CABIN1: variants seen among roughly 807,000 people sequenced by gnomAD.
CABIN1 encodes the protein calcineurin-binding protein cabin-1.
In CABIN1, 133 loss-of-function variants were observed where a neutral mutation model predicts 227.7. The observed-to-expected ratio is 0.58, with a 90% CI of 0.51 to 0.67. CABIN1 has a LOEUF of 0.67. CABIN1 is among the 30% of genes least tolerant of loss of function. CABIN1 has a pLI of 0.00. For missense variants in CABIN1, 2,408 were observed against 2,852.5 expected (o/e 0.84, Z 3.55); for synonymous variants, 1,086 against 1,155.1 (o/e 0.94, Z 1.21).
chr22:24,059,481 G>A, intron 11 of CABIN1, 118 bp downstream of exon 11: 2 of 1,228,868 alleles, frequency 1.6e-6, no homozygotes, highest in South Asian at 2.6e-5. Context: ...GTGGCCAAGA[G>A]TCTGCCTGGA....
chr22:24,032,124 A>G (rs1457045833), intron 1 of CABIN1, among the ~76,000 whole-genome samples: 2 of 152,194 alleles, frequency 1.3e-5, no homozygotes, highest in African/African-American at 4.8e-5. Flanking sequence ...TTGAAATGCT[A>G]TACCCATTAA....
rs760691720 is a variant in CABIN1, at chr22:24,038,445, C to A, written c.194C>A (p.Ala65Glu). ...SAKAYHELLE[A>E]SLLREAVSSG... ...AAAGCCTACCATGAGCTCTTGGAGGCGAGCCTGCTGCGGGAGGTGAGGCAT... is the reference window on the plus strand; with the variant it reads ...AAAGCCTACCATGAGCTCTTGGAGGAGAGCCTGCTGCGGGAGGTGAGGCAT... Residue 65 changes from alanine (A) to glutamate (E), a missense_variant, in exon 4 of 37, where the codon GCG (alanine) becomes GAG (glutamate). Physicochemically the swap from Ala to Glu is moderately radical, Grantham distance 107 (BLOSUM62 -1). Coordinates refer to ENST00000263119, the MANE Select transcript of CABIN1 (RefSeq NM_012295.4). 4 of 1,613,186 alleles carry A rather than the reference C, an allele frequency of 2.5e-6. No individual in the cohort carries two copies. The highest frequency in any genetic ancestry group is 1.3e-5 in the African/African-American group (1 of 74,906).
intron 16 of CABIN1, among the ~76,000 whole-genome samples, chr22:24,068,276 G>A (rs1163702721): frequency 2.0e-5 from 3 of 152,180 alleles, no homozygotes; most frequent in Non-Finnish European, 4.4e-5. Flanking sequence ...CAAGATCAGC[G>A]GATGAGATGT....
At position 24,177,360 on chromosome 22, in the gene CABIN1, G is replaced by A. The variant is rs893692812; in HGVS notation, c.6206-144G>A. 1.4e-5 allele frequency: 10 copies of A among 727,508 alleles called. No homozygotes were observed. Among genetic ancestry groups the A allele is most frequent in the Non-Finnish European group, 2.2e-5 (10 of 452,802 alleles). The allele number at this position is 727,508 out of a possible 1,614,324, so 45.1% of individuals were successfully genotyped here. A position where few individuals can be genotyped will look rare whatever the true frequency, so the allele number is the denominator to read the frequency against. On this transcript the variant is annotated intron_variant, in intron 35 of 36. Coordinates refer to ENST00000263119, the MANE Select transcript of CABIN1 (RefSeq NM_012295.4). This position sits in a 1 kb window ranked among gnomAD's most constrained non-coding sequence, Gnocchi z 4.4. Reference sequence around the variant, plus strand: ...CAGGCCTGAGCCAAGTATTTGCCCAGGGTAGAAGCCTTGGAGCCTGCCAGC... The same window carrying A: ...CAGGCCTGAGCCAAGTATTTGCCCAAGGTAGAAGCCTTGGAGCCTGCCAGC...
intron 8 of CABIN1, 120 bp downstream of exon 8, chr22:24,051,094 G>A (rs1326406384): frequency 7.6e-7 from 1 of 1,312,350 alleles, no homozygotes; most frequent in Non-Finnish European, 1.1e-6. Context: ...TATGAATGGG[G>A]GCTGGGTGCA....
chr22:24,090,502 A>G (rs1044237613), intron 23 of CABIN1, among the ~76,000 whole-genome samples: 7 of 143,282 alleles, frequency 4.9e-5, no homozygotes, highest in Admixed American at 7.0e-5. Flanking sequence ...ATGATCTCCC[A>G]CTTCCTGTGT....
intron 22 of CABIN1, among the ~76,000 whole-genome samples, chr22:24,087,148 A>G (rs946236754): frequency 6.6e-6 from 1 of 152,220 alleles, no homozygotes; most frequent in African/African-American, 2.4e-5. Context: ...CTCATCCATT[A>G]GAGTACTTAC....
chr22:24,052,663 C>T (rs537374837), intron 8 of CABIN1, among the ~76,000 whole-genome samples: 1 of 151,836 alleles, frequency 6.6e-6, no homozygotes, highest in African/African-American at 2.4e-5. Flanking sequence ...TGGTGGCACA[C>T]ACCTGTAGTT....
rs1265729477 is a variant in CABIN1 at position 24,059,231 on chromosome 22, A to G, written c.1267A>G (p.Arg423Gly). 6.2e-7 allele frequency: 1 copy of G among 1,614,124 alleles called. No individual in the cohort carries two copies. Among genetic ancestry groups the G allele is most frequent in the East Asian group, 2.2e-5 (1 of 44,898 alleles). Reference protein sequence around the residue: ...LLMKFLPSRLRKLDPEEEDDS... With the variant: ...LLMKFLPSRLGKLDPEEEDDS... ...ATTTTGGCATGTTACATGCAGGTTA[A>G]GAAAGCTGGACCCTGAGGAGGAAGA... Residue 423 changes from arginine (R) to glycine (G), a missense_variant, in exon 11 of 37, where the codon AGA becomes GGA. Arg to Gly is a moderately radical substitution (Grantham distance 125). Transcript: ENST00000263119.
chr22:24,065,676 A>G (rs1217872854), intron 15 of CABIN1, among the ~76,000 whole-genome samples: 2 of 152,218 alleles, frequency 1.3e-5, no homozygotes, highest in Non-Finnish European at 2.9e-5. Flanking sequence ...AGGTTGTAGC[A>G]AGCCGAGATC....
chr22:24,089,183 T>C (rs1334968557), intron 23 of CABIN1, among the ~76,000 whole-genome samples: 1 of 152,194 alleles, frequency 6.6e-6, no homozygotes, highest in East Asian at 1.9e-4. Context: ...GTGGGAGTTT[T>C]CCAGGAAATA....
rs375469768 is a variant in CABIN1 at position 24,074,895 on chromosome 22, T to C, written c.2633-1274T>C. On this transcript the variant is annotated intron_variant, in intron 18 of 36. Transcript: ENST00000263119. ...TGACAAATTGGAACAATTGGTTGCA[T>C]TTAAGAGCCAAAAGTAACAGGGCAT... Among the ~76,000 whole-genome samples, 25 of 152,264 alleles carry C rather than the reference T, an allele frequency of 1.6e-4. No individual in the cohort carries two copies. The South Asian group carries it at 5.2e-3, about 32-fold the overall frequency.
rs575083287 is a variant in CABIN1, at chr22:24,076,082, C to T, written c.2633-87C>T. ...TCATGTTGATAAAGACAGAAAAGCC[C>T]GAAAAGAGGAGACTGAGCCTCGCAG... On this transcript the variant is annotated intron_variant, in intron 18 of 36. Coordinates refer to ENST00000263119, the MANE Select transcript of CABIN1 (RefSeq NM_012295.4). 49 of 891,714 alleles carry T rather than the reference C, an allele frequency of 5.5e-5. No homozygotes were observed. In the East Asian group the frequency reaches 6.6e-4, roughly 12 times the overall value. The allele number at this position is 891,714 out of a possible 1,614,324, so 55.2% of individuals were successfully genotyped here. A position where few individuals can be genotyped will look rare whatever the true frequency, so the allele number is the denominator to read the frequency against.
intron 29 of CABIN1, among the ~76,000 whole-genome samples, chr22:24,149,750 G>T (rs1452179771): frequency 6.6e-6 from 1 of 152,216 alleles, no homozygotes; most frequent in East Asian, 1.9e-4. Context: ...GGGATATTGA[G>T]TCATTTGTTT....
In CABIN1 at chr22:24,060,080, G is replaced by A; in HGVS notation, c.1556G>A (p.Arg519Lys). 5 of 1,614,102 alleles carry A rather than the reference G, an allele frequency of 3.1e-6. No individual in the cohort carries two copies. The highest frequency in any genetic ancestry group is 4.2e-6 in the Non-Finnish European group (5 of 1,180,018). The change falls in exon 12 of 37, where the codon AGG (arginine) becomes AAG (lysine). Residue 519 changes from arginine (R) to lysine (K), a missense_variant. Around this residue, in one of 3 missense-constraint regions of CABIN1, gnomAD observed 1,045 missense variants for 1,168.4 expected, o/e 0.89. Coordinates refer to ENST00000263119, the MANE Select transcript of CABIN1 (RefSeq NM_012295.4). ...GTGCTCAGCGTCTACCACAGCTGGA[G>A]GAGGCACAGCACCAGCCTGCCCAAC... ...EVVLSVYHSW[R>K]RHSTSLPNPL...
intron 23 of CABIN1, among the ~76,000 whole-genome samples, chr22:24,088,748 T>TA (rs1005706385): frequency 7.2e-5 from 11 of 151,934 alleles, no homozygotes; most frequent in South Asian, 2.1e-4. Context: ...TTCCAGACTG[T>TA]AAAAAAAAGT....
intron 28 of CABIN1, among the ~76,000 whole-genome samples, chr22:24,127,792 A>G (rs1437479397): frequency 2.0e-5 from 3 of 151,968 alleles, no homozygotes; most frequent in East Asian, 3.9e-4. Flanking sequence ...TTGCACATCT[A>G]TCATCTTCAA....
At chr22:24,098,220 GC>G in intron 26 of CABIN1, 28 bp downstream of exon 26, 1 of 1,609,836 alleles carries the variant, frequency 6.2e-7, no homozygotes. Context: ...CCTACTGCCA[GC>G]CCAGGGCGGC....
At chr22:24,132,853 G>T (rs1296276430) in intron 28 of CABIN1, among the ~76,000 whole-genome samples, 2 of 152,244 alleles carry the variant, frequency 1.3e-5, no homozygotes, top group African/African-American at 4.8e-5. Context: ...CTCCCAAAGT[G>T]CTGGGATTAC....
Sources: gnomAD v4.1 joint callset for allele counts (sites outside exome capture counted in the v4.1 genomes callset) on GRCh38, gnomAD v4.1.1 for gene constraint, gnomAD v4.1.1 regional missense constraint, Gnocchi (gnomAD v3.1) non-coding constraint, MANE v1.5 for transcripts, NCBI Gene and HGNC (gene_info 2026-07-23, HGNC 2026-07-21) for gene names.